The following KXD1 variants were observed in gnomAD, a reference collection of about 807,000 sequenced individuals.
The protein encoded by KXD1 is KxDL motif containing 1.
In KXD1, 5 loss-of-function variants were observed where a neutral mutation model predicts 12.1. That is an observed-to-expected ratio of 0.41 (90% CI 0.22 to 0.87). KXD1 has a LOEUF of 0.87. Ranked by LOEUF, KXD1 falls within the 40% of genes least tolerant of loss-of-function variation. The pLI is 0.31. For synonymous variants in KXD1, 98 were observed against 100.5 expected, an observed-to-expected ratio of 0.98 and a Z score of 0.15; for missense variants, 193 against 244.9, an observed-to-expected ratio of 0.79 and a Z score of 1.41.
intron 2 of KXD1, among the ~76,000 whole-genome samples, chr19:18,563,127 C>A (rs965149287): frequency 1.9e-4 from 23 of 119,428 alleles, no homozygotes; most frequent in African/African-American, 1.3e-3. Flanking sequence ...CAAGACAATT[C>A]TTCTTCCAAT....
intron 2 of KXD1, among the ~76,000 whole-genome samples, chr19:18,564,101 G>A (rs146495801): frequency 4.6e-5 from 7 of 151,900 alleles, no homozygotes; most frequent in Non-Finnish European, 8.8e-5. Context: ...TGGCAAGGCT[G>A]GTCTCGAACT....
chr19:18,563,172 G>A (rs1975010505), intron 2 of KXD1, among the ~76,000 whole-genome samples: 1 of 152,112 alleles, frequency 6.6e-6, no homozygotes, highest in Non-Finnish European at 1.5e-5. Flanking sequence ...GGACACCACT[G>A]GGCTAATACA....
At chr19:18,567,417 TA>T in intron 4 of KXD1, 1 of 667,390 alleles carries the variant, frequency 1.5e-6, no homozygotes, top group East Asian at 2.7e-5. Context: ...AGAATGTGGA[TA>T]AGCAGCATGA....
intron 1 of KXD1, 167 bp from the exon 2 acceptor site, chr19:18,561,869 G>A (rs766175994): frequency 4.9e-5 from 25 of 507,670 alleles, no homozygotes; most frequent in Non-Finnish European, 8.0e-5. Context: ...TTCCTGGGGT[G>A]GCACACCTGA....
intron 3 of KXD1, 54 bp from the exon 4 acceptor site, chr19:18,567,078 G>C: frequency 6.3e-7 from 1 of 1,580,868 alleles, no homozygotes; most frequent in South Asian, 1.1e-5. Context: ...CCAGCACCAG[G>C]CCCAGCCTAC....
At chr19:18,567,008 C>A in intron 3 of KXD1, 124 bp from the exon 4 acceptor site, 1 of 776,656 alleles carries the variant, frequency 1.3e-6, no homozygotes. Flanking sequence ...AGGTGATGAA[C>A]AGTGTGGGGG....
rs1486239937 is a variant in KXD1 at position 18,562,138 on chromosome 19, A to G, written c.82A>G (p.Ile28Val). ...MVNTDDVNAI[I>V]LAQKNMLDRF... Reference sequence around the variant, plus strand: ...GAACACAGATGATGTCAACGCCATCATCCTGGCCCAGAAGAACATGTGAGT... The same window carrying G: ...GAACACAGATGATGTCAACGCCATCGTCCTGGCCCAGAAGAACATGTGAGT... Residue 28 changes from isoleucine to valine, a missense_variant, in exon 2 of 5, where the codon ATC becomes GTC. Coordinates refer to ENST00000222307, the MANE Select transcript of KXD1 (RefSeq NM_024069.4). The G allele has an allele frequency of 1.2e-6, 2 of 1,610,856 alleles. No individual in the cohort carries two copies. Among genetic ancestry groups the G allele is most frequent in the East Asian group, 4.5e-5 (2 of 44,724 alleles).
At position 18,565,028 on chromosome 19, in the gene KXD1, G is replaced by T; in HGVS notation, c.254+7G>T. ...GCATCTTCCGCCGTATCAGGTGGGT[G>T]CTCAGTGCCACCCCAGCCCAGCTGA... is the stretch of plus-strand genomic sequence containing the variant. On this transcript the variant is annotated splice_region_variant and intron_variant, in intron 3 of 4. Transcript: ENST00000222307. 1 of 1,562,324 alleles carries T rather than the reference G, an allele frequency of 6.4e-7. No individual in the cohort carries two copies. Among genetic ancestry groups the T allele is most frequent in the Non-Finnish European group, 8.6e-7 (1 of 1,166,308 alleles).
chr19:18,560,997 A>G (rs1157204684), intron 1 of KXD1, among the ~76,000 whole-genome samples: 2 of 151,994 alleles, frequency 1.3e-5, no homozygotes. Flanking sequence ...GAGCCACAGC[A>G]CCTGGCCACC....
chr19:18,558,811 G>C (rs1041376308), intron 1 of KXD1: 1 of 152,056 alleles, frequency 6.6e-6, no homozygotes, highest in African/African-American at 2.4e-5. Flanking sequence ...CTTCTTGGGA[G>C]AGGAAGTTGC....
chr19:18,565,185 C>T (rs1346666804), intron 3 of KXD1, 164 bp downstream of exon 3: 1 of 1,407,346 alleles, frequency 7.1e-7, no homozygotes, highest in African/African-American at 1.4e-5. Context: ...GGGATAAAAT[C>T]TTGACGTAAG....
chr19:18,567,742 A>G (rs1975322193), intron 4 of KXD1, among the ~76,000 whole-genome samples: 1 of 152,186 alleles, frequency 6.6e-6, no homozygotes, highest in African/African-American at 2.4e-5. Flanking sequence ...GGTTCACACC[A>G]TCTGTTGAAA....
intron 3 of KXD1, among the ~76,000 whole-genome samples, chr19:18,565,446 A>T (rs1413552334): frequency 2.0e-5 from 3 of 151,998 alleles, no homozygotes; most frequent in African/African-American, 7.3e-5. Context: ...AGTAGTCAGG[A>T]TGGTCTCGAT....
chr19:18,567,198 C>T lies in KXD1; in HGVS notation c.301+20C>T. The T allele has an allele frequency of 6.2e-7, 1 of 1,613,800 alleles. No individual in the cohort carries two copies. The highest frequency in any genetic ancestry group is 8.5e-7 in the Non-Finnish European group (1 of 1,179,730). Reference sequence around the variant, plus strand: ...TCAGCCGTAAGTGTCACGCAGGGTTCCTGCTCCCGAGCACGTCAGCACTCT... The same window carrying T: ...TCAGCCGTAAGTGTCACGCAGGGTTTCTGCTCCCGAGCACGTCAGCACTCT... On this transcript the variant is annotated intron_variant, in intron 4 of 4. Transcript: ENST00000222307.
At chr19:18,564,440 T>G (rs1019782141) in intron 2 of KXD1, among the ~76,000 whole-genome samples, 5 of 151,942 alleles carry the variant, frequency 3.3e-5, no homozygotes, top group African/African-American at 1.2e-4. Context: ...GCTAACCTGG[T>G]GAAACCTCGT....
intron 3 of KXD1, among the ~76,000 whole-genome samples, chr19:18,566,088 C>T (rs987674746): frequency 6.6e-6 from 1 of 152,294 alleles, no homozygotes; most frequent in Admixed American, 6.5e-5. Flanking sequence ...ACCTCGACCT[C>T]CCAAAGTGCT....
At chr19:18,559,375 T>G (rs1977044454) in intron 1 of KXD1, 1 of 152,058 alleles carries the variant, frequency 6.6e-6, no homozygotes, top group Non-Finnish European at 1.5e-5. Flanking sequence ...ATAACCATAG[T>G]TATTATTAGA....
chr19:18,568,319 G>T, intron 4 of KXD1, 83 bp from the exon 5 acceptor site: 4 of 999,942 alleles, frequency 4.0e-6, no homozygotes, highest in Non-Finnish European at 6.2e-6. Context: ...GAGGGCAGCC[G>T]TTAGGGGTCA....
chr19:18,559,906 CTCTCTT>C (rs1282703302), intron 1 of KXD1: 2 of 151,674 alleles, frequency 1.3e-5, no homozygotes, highest in Non-Finnish European at 1.5e-5. Context: ...CTCTGTCTCT[CTCTCTT>C]TCTCTCCTCT....
Sources: allele counts gnomAD v4.1 joint callset (sites outside exome capture counted in the v4.1 genomes callset), GRCh38; gene constraint gnomAD v4.1.1; transcripts MANE v1.5; gene names NCBI Gene and HGNC (gene_info 2026-07-23, HGNC 2026-07-21).